Variants in BBS9 observed in about 807,000 individuals in gnomAD.
The protein encoded by BBS9 is protein PTHB1.
A neutral mutation model predicts 117.7 loss-of-function variants in BBS9; 89 were observed. The ratio of observed to expected loss-of-function variants is 0.76; its 90% CI spans 0.64 to 0.90. The LOEUF is 0.90. Among genes scored for constraint, BBS9 ranks in the 40% least tolerant of loss-of-function variants. The pLI, the probability that BBS9 is intolerant of heterozygous loss-of-function variation, is 0.00. For missense variants in BBS9, 982 were observed against 1,042.2 expected (o/e 0.94, Z 0.80); for synonymous variants, 379 against 370.9 (o/e 1.02, Z -0.25).
chr7:33,235,045 T>C (rs1053293079), intron 5 of BBS9, among the ~76,000 whole-genome samples: 1 of 152,190 alleles, frequency 6.6e-6, no homozygotes, highest in Admixed American at 6.5e-5. Context: ...AGGAAGTGCT[T>C]ACTGACTTTT....
At chr7:33,404,129 G>A (rs1829471214) in intron 19 of BBS9, among the ~76,000 whole-genome samples, 1 of 152,060 alleles carries the variant, frequency 6.6e-6, no homozygotes, top group African/African-American at 2.4e-5. Context: ...GTTTTTCTCA[G>A]GTTTGTCAAA....
At chr7:33,566,337 A>G (rs940035565) in intron 21 of BBS9, among the ~76,000 whole-genome samples, 4 of 151,940 alleles carry the variant, frequency 2.6e-5, no homozygotes, top group African/African-American at 4.8e-5. Flanking sequence ...AATACATAAT[A>G]CATGATGCAT....
intron 21 of BBS9, among the ~76,000 whole-genome samples, chr7:33,557,779 C>T (rs917450395): frequency 2.6e-5 from 4 of 152,230 alleles, no homozygotes; most frequent in Non-Finnish European, 5.9e-5. Context: ...GGACATCCTC[C>T]GTGGATTGCA....
chr7:33,427,050 G>T (rs1301408068), intron 19 of BBS9, among the ~76,000 whole-genome samples: 2 of 152,074 alleles, frequency 1.3e-5, no homozygotes, highest in African/African-American at 2.4e-5. Context: ...AAAGATTTGG[G>T]TTCCCTAAGC....
intron 1 of BBS9, among the ~76,000 whole-genome samples, chr7:33,132,706 C>T (rs938683656): frequency 2.0e-5 from 3 of 152,170 alleles, no homozygotes; most frequent in Non-Finnish European, 4.4e-5. Context: ...TCTTTCCTAA[C>T]CTGTCAGTAC....
chr7:33,407,731 G>A (rs564490058), intron 19 of BBS9, among the ~76,000 whole-genome samples: 11 of 152,284 alleles, frequency 7.2e-5, no homozygotes, highest in South Asian at 4.1e-4. Flanking sequence ...TATCAGCAGC[G>A]GTGTCTGCAG....
chr7:33,378,128 G>A (rs1345446372), intron 17 of BBS9, among the ~76,000 whole-genome samples: 2 of 152,010 alleles, frequency 1.3e-5, no homozygotes, highest in African/African-American at 4.8e-5. Flanking sequence ...GGCCTTTCCC[G>A]ACCATAGCAT....
intron 21 of BBS9, among the ~76,000 whole-genome samples, chr7:33,597,092 C>T (rs1227263220): frequency 2.0e-5 from 3 of 151,570 alleles, no homozygotes; most frequent in African/African-American, 7.3e-5. Context: ...CACACACACA[C>T]ACACACACAC....
intron 21 of BBS9, among the ~76,000 whole-genome samples, chr7:33,576,912 A>T (rs1352570535): frequency 8.5e-5 from 13 of 152,216 alleles, no homozygotes; most frequent in Non-Finnish European, 1.5e-4. Context: ...TTCAAGAGGG[A>T]TTAAAGACTT....
chr7:33,301,387 A>C (rs922661009), intron 9 of BBS9, among the ~76,000 whole-genome samples: 1 of 151,986 alleles, frequency 6.6e-6, no homozygotes, highest in Non-Finnish European at 1.5e-5. Context: ...TATTTTTTTA[A>C]ATATGGTTAA....
chr7:33,350,113 A>G (rs1818347075), intron 13 of BBS9, among the ~76,000 whole-genome samples: 1 of 152,226 alleles, frequency 6.6e-6, no homozygotes, highest in Non-Finnish European at 1.5e-5. Flanking sequence ...CCAAATTGTC[A>G]TTAGTCCTGT....
chr7:33,407,181 A>G (rs544598471), intron 19 of BBS9, among the ~76,000 whole-genome samples: 7 of 151,908 alleles, frequency 4.6e-5, no homozygotes, highest in African/African-American at 1.4e-4. Flanking sequence ...CATTTCGTTC[A>G]TTTCATCTTC....
chr7:33,557,367 A>T (rs1855447344), intron 21 of BBS9, among the ~76,000 whole-genome samples: 1 of 152,152 alleles, frequency 6.6e-6, no homozygotes, highest in African/African-American at 2.4e-5. Context: ...TTAATATCTG[A>T]ATCTAAGGTT....
rs540177145 is a variant in BBS9 at position 33,606,016 on chromosome 7, G to A, written c.*790G>A. 11 of 151,156 alleles carry A rather than the reference G, an allele frequency of 7.3e-5. No individual in the cohort carries two copies. The highest frequency in any genetic ancestry group is 1.2e-4 in the Non-Finnish European group (8 of 67,450). 9.4% of individuals were successfully genotyped at this position (151,156 alleles called of 1,614,324 possible). A position where few individuals can be genotyped will look rare whatever the true frequency, so the allele number is the denominator to read the frequency against. ...AAGAAACTTTGCTAATTTCAAGTTC[G>A]AATTACAGTTGTGAGATTGATTTAT... On this transcript the variant is annotated 3_prime_UTR_variant, in exon 23 of 23. Transcript: ENST00000242067.
At chr7:33,590,459 GTTTTTTT>G (rs71554107) in intron 21 of BBS9, among the ~76,000 whole-genome samples, 2 of 101,506 alleles carry the variant, frequency 2.0e-5, no homozygotes, top group Non-Finnish European at 2.0e-5. Flanking sequence ...TTGTTTTTTT[GTTTTTTT>G]TTTTTTTTTT....
intron 4 of BBS9, among the ~76,000 whole-genome samples, chr7:33,167,882 T>C (rs1795943532): frequency 6.6e-6 from 1 of 152,156 alleles, no homozygotes; most frequent in Admixed American, 6.5e-5. Context: ...AGCAATTAAC[T>C]GTGGAAATAA....
intron 19 of BBS9, among the ~76,000 whole-genome samples, chr7:33,426,223 C>T (rs1019685643): frequency 4.6e-5 from 7 of 152,068 alleles, no homozygotes; most frequent in African/African-American, 1.7e-4. Context: ...TGTAAATGCA[C>T]CATGATAAAA....
intron 17 of BBS9, among the ~76,000 whole-genome samples, chr7:33,368,275 T>A (rs1822174420): frequency 6.6e-6 from 1 of 152,150 alleles, no homozygotes; most frequent in Admixed American, 6.5e-5. Flanking sequence ...TATATTCTTG[T>A]TTATTCATTT....
intron 21 of BBS9, among the ~76,000 whole-genome samples, chr7:33,588,013 G>A (rs756148023): frequency 2.0e-5 from 3 of 152,044 alleles, no homozygotes; most frequent in South Asian, 2.1e-4. Flanking sequence ...GCAGACAGAT[G>A]TCTTTATACC....
Sources: allele counts gnomAD v4.1 joint callset (sites outside exome capture counted in the v4.1 genomes callset), GRCh38; gene constraint gnomAD v4.1.1; transcripts MANE v1.5; gene names NCBI Gene and HGNC (gene_info 2026-07-23, HGNC 2026-07-21).